The following CRCP variants were observed in gnomAD, a reference collection of about 807,000 sequenced individuals.
CRCP encodes CGRP receptor component.
In CRCP, 18 loss-of-function variants were observed where a neutral mutation model predicts 18.5. That is an observed-to-expected ratio of 0.97 (90% CI 0.67 to 1.44). The LOEUF (loss-of-function observed/expected upper bound fraction) is 1.44. CRCP is among the 40% of genes most tolerant of loss of function. The pLI is 0.00. For missense variants in CRCP, 130 were observed against 176.4 expected, an observed-to-expected ratio of 0.74 and a Z score of 1.49; for synonymous variants, 53 against 62.9, an observed-to-expected ratio of 0.84 and a Z score of 0.75.
chr7:66,151,396 C>T (rs953322548), intron 5 of CRCP, among the ~76,000 whole-genome samples: 5 of 152,082 alleles, frequency 3.3e-5, no homozygotes, highest in Admixed American at 6.5e-5. Flanking sequence ...GGTGAAACCC[C>T]GTCTCTACGA....
intron 2 of CRCP, among the ~76,000 whole-genome samples, chr7:66,129,661 A>G (rs1787733151): frequency 6.6e-6 from 1 of 151,928 alleles, no homozygotes; most frequent in Admixed American, 6.6e-5. Flanking sequence ...GCAGCTTAGA[A>G]CAGGAAGGAA....
In CRCP at chr7:66,134,265, T is replaced by G. The variant is rs776211822; in HGVS notation, c.145-15T>G. The G allele has an allele frequency of 6.4e-7, 1 of 1,562,934 alleles. No homozygotes were observed. Among genetic ancestry groups the G allele is most frequent in the African/African-American group, 1.4e-5 (1 of 71,996 alleles). ...TCTTATGCTTGGCTTTTTTCTTTTT[T>G]TTTTTTTTTGCCAGACGTTAAAATA... On this transcript the variant is annotated splice_polypyrimidine_tract_variant and intron_variant, in intron 3 of 5. Transcript: ENST00000395326.
At chr7:66,144,029 G>C (rs1232869970) in intron 4 of CRCP, among the ~76,000 whole-genome samples, 1 of 152,170 alleles carries the variant, frequency 6.6e-6, no homozygotes, top group Non-Finnish European at 1.5e-5. Flanking sequence ...ACTCCAGAAG[G>C]TCTTTAATGC....
intron 2 of CRCP, 77 bp from the exon 3 acceptor site, chr7:66,130,667 T>TC: frequency 1.2e-6 from 1 of 816,158 alleles, no homozygotes; most frequent in Non-Finnish European, 2.0e-6. Flanking sequence ...TTCCTGTTTA[T>TC]CCTTCAAAAC....
intron 4 of CRCP, 71 bp downstream of exon 4, chr7:66,134,445 G>A (rs1214123135): frequency 1.7e-5 from 19 of 1,088,526 alleles, no homozygotes; most frequent in Middle Eastern, 3.1e-4. Context: ...CGTAGCAACC[G>A]TGTATTGATA....
At chr7:66,150,027 C>T (rs1332324138) in intron 5 of CRCP, among the ~76,000 whole-genome samples, 2 of 151,872 alleles carry the variant, frequency 1.3e-5, no homozygotes, top group Non-Finnish European at 2.9e-5. Flanking sequence ...AGGATGGTCT[C>T]GATCTCCTGA....
At chr7:66,143,489 G>C (rs1252368975) in intron 4 of CRCP, among the ~76,000 whole-genome samples, 1 of 152,028 alleles carries the variant, frequency 6.6e-6, no homozygotes, top group Non-Finnish European at 1.5e-5. Flanking sequence ...TTCCTGCCCT[G>C]GCTGGCTGTC....
intron 1 of CRCP, chr7:66,120,542 C>A (rs893079178): frequency 1.3e-5 from 2 of 151,890 alleles, no homozygotes; most frequent in Admixed American, 1.3e-4. Context: ...AGCCTAACTT[C>A]TGGTCCTCAC....
chr7:66,124,663 G>T (rs1014157947), intron 1 of CRCP, among the ~76,000 whole-genome samples: 1 of 152,076 alleles, frequency 6.6e-6, no homozygotes, highest in African/African-American at 2.4e-5. Context: ...TGACAGGTGT[G>T]AGCCACAATG....
chr7:66,126,679 A>G, intron 1 of CRCP: 1 of 420,332 alleles, frequency 2.4e-6, no homozygotes, highest in Middle Eastern at 3.8e-4. Flanking sequence ...CTAAACTTTT[A>G]AAATTTGTTG....
In CRCP at chr7:66,150,446, C is replaced by T. The variant is rs73699724; in HGVS notation, c.298-1762C>T. Among the ~76,000 whole-genome samples the T allele has an allele frequency of 4.0e-3, 607 of 151,930 alleles. 4 individuals carry two copies. The highest frequency in any genetic ancestry group is 0.014 in the African/African-American group (577 of 41,432). On this transcript the variant is annotated intron_variant, in intron 5 of 5. Transcript: ENST00000395326. ...TTTAGAAAATGGTCATTTTATTTCA[C>T]AGCATCATAGGGAGTAGCCCCCATT...
chr7:66,135,065 A>G lies in CRCP; in HGVS notation c.239+691A>G, dbSNP rs992674352. On this transcript the variant is annotated intron_variant, in intron 4 of 5. Coordinates refer to ENST00000395326, the MANE Select transcript of CRCP (RefSeq NM_014478.5). The stretch of plus-strand genomic sequence containing the variant: ...AATGTGAACAGGGCCAACCATTTCT[A>G]TGTTATTAACACTGCTTCTTCCCTA... Among the ~76,000 whole-genome samples, 9 of 152,328 alleles carry G rather than the reference A, an allele frequency of 5.9e-5. No homozygotes were observed. In the East Asian group the frequency reaches 1.3e-3, roughly 23 times the overall value.
chr7:66,120,109 G>A (rs982913258), intron 1 of CRCP, among the ~76,000 whole-genome samples: 13 of 151,986 alleles, frequency 8.6e-5, no homozygotes, highest in African/African-American at 1.9e-4. Flanking sequence ...GCGTGAACCC[G>A]GGAGGTGGAG....
intron 1 of CRCP, among the ~76,000 whole-genome samples, chr7:66,124,233 G>A (rs1787548509): frequency 6.6e-6 from 1 of 150,468 alleles, no homozygotes; most frequent in Admixed American, 6.7e-5. Flanking sequence ...GATGGCGGGT[G>A]CCTGTAGTCC....
chr7:66,128,006 G>A lies in CRCP; in HGVS notation c.45+266G>A, dbSNP rs186999587. Among the ~76,000 whole-genome samples, 436 of 151,762 alleles carry A rather than the reference G, an allele frequency of 2.9e-3. 3 individuals are homozygous for A. Among genetic ancestry groups the A allele is most frequent in the Admixed American group, 5.2e-3 (79 of 15,214 alleles). On this transcript the variant is annotated intron_variant, in intron 2 of 5. Transcript: ENST00000395326. ...ACATGCCTGTAGTCCCAGCTACTTC[G>A]GATCCCAGCTGAGGCAGGAGGGTCA...
At position 66,153,022 on chromosome 7, in the gene CRCP, T is replaced by C. The variant is rs1788520391; in HGVS notation, c.*665T>C. ...TTAGTGACAGTGGCAGCAGAAACAG[T>C]GTTGGCTGCCTTTCTGACCACCCCA... On this transcript the variant is annotated 3_prime_UTR_variant, in exon 6 of 6. Transcript: ENST00000395326. The C allele has an allele frequency of 6.6e-6, 1 of 152,660 alleles. No homozygotes were observed. The highest frequency in any genetic ancestry group is 6.6e-5 in the Admixed American group (1 of 15,254). 9.5% of individuals were successfully genotyped at this position (152,660 alleles called of 1,614,324 possible).
At chr7:66,129,143 C>T (rs143925414) in intron 2 of CRCP, among the ~76,000 whole-genome samples, 2,277 of 152,176 alleles carry the variant, frequency 0.015, 60 homozygotes, top group East Asian at 0.092. Flanking sequence ...AACATCCTGG[C>T]TAACACGGTG....
intron 1 of CRCP, among the ~76,000 whole-genome samples, chr7:66,120,903 G>A (rs545776191): frequency 1.3e-5 from 2 of 151,974 alleles, no homozygotes; most frequent in South Asian, 4.2e-4. Flanking sequence ...GAATACCAGG[G>A]GATGCCTGTA....
chr7:66,141,002 C>T (rs1324379247), intron 4 of CRCP, among the ~76,000 whole-genome samples: 1 of 152,142 alleles, frequency 6.6e-6, no homozygotes, highest in Non-Finnish European at 1.5e-5. Flanking sequence ...ACTAATGATC[C>T]TAAAATCGAA....
Sources: gnomAD v4.1 joint callset for allele counts (sites outside exome capture counted in the v4.1 genomes callset) on GRCh38, gnomAD v4.1.1 for gene constraint, MANE v1.5 for transcripts, NCBI Gene and HGNC (gene_info 2026-07-23, HGNC 2026-07-21) for gene names.